The following TLK1 variants were observed in gnomAD, a reference collection of about 807,000 sequenced individuals.
TLK1 encodes tousled like kinase 1, also known as serine/threonine-protein kinase tousled-like 1.
TLK1 carries 24 observed loss-of-function variants against 105.3 expected under a neutral mutation model. The ratio of observed to expected loss-of-function variants is 0.23; its 90% CI spans 0.17 to 0.32. The LOEUF is 0.32. TLK1 is among the 10% of genes least tolerant of loss of function. TLK1 has a pLI of 1.00. For missense variants in TLK1, 558 were observed against 910.5 expected, an observed-to-expected ratio of 0.61 and a Z score of 4.98; for synonymous variants, 321 against 310.4, an observed-to-expected ratio of 1.03 and a Z score of -0.36.
intron 1 of TLK1, among the ~76,000 whole-genome samples, chr2:171,188,250 T>C (rs1276370452): frequency 1.3e-5 from 2 of 152,198 alleles, no homozygotes; most frequent in African/African-American, 2.4e-5. Flanking sequence ...TAAAATCTTA[T>C]TCTACAGGAT....
chr2:171,086,638 C>CAAAA (rs35913328), intron 2 of TLK1, among the ~76,000 whole-genome samples: 4 of 108,952 alleles, frequency 3.7e-5, no homozygotes, highest in African/African-American at 1.3e-4. Context: ...AAAAAACAAA[C>CAAAA]AAAAAAAAAA....
At chr2:171,083,562 T>C (rs1433747194) in intron 2 of TLK1, among the ~76,000 whole-genome samples, 2 of 152,180 alleles carry the variant, frequency 1.3e-5, no homozygotes, top group African/African-American at 4.8e-5. Flanking sequence ...CAGAAATGCT[T>C]AGACCAGGTG....
At chr2:171,132,668 T>A (rs775154226) in intron 1 of TLK1, among the ~76,000 whole-genome samples, 2 of 152,186 alleles carry the variant, frequency 1.3e-5, no homozygotes, top group Non-Finnish European at 2.9e-5. Context: ...TGCTATGGCT[T>A]CCGAGTTCAA....
Position 171,000,409 on chromosome 2 carries a change from T to C in TLK1, c.1905-2586A>G, listed in dbSNP as rs144576313. Among the ~76,000 whole-genome samples the C allele has an allele frequency of 4.9e-3, 724 of 148,158 alleles. 7 individuals carry two copies. Among genetic ancestry groups the C allele is most frequent in the African/African-American group, 0.017 (672 of 40,430 alleles). ...AAAAAAAAAAAAAAAAGTTAACTGC[T>C]AATAGCCCACTGTTGACTGGAAGTT... On this transcript the variant is annotated intron_variant, in intron 18 of 20. Transcript: ENST00000431350.
At chr2:171,156,749 C>G (rs556590501) in intron 1 of TLK1, among the ~76,000 whole-genome samples, 2 of 152,342 alleles carry the variant, frequency 1.3e-5, no homozygotes, top group East Asian at 3.9e-4. Flanking sequence ...ACTAAATCAT[C>G]TGAAGTCAAT....
intron 1 of TLK1, among the ~76,000 whole-genome samples, chr2:171,123,398 T>G (rs932641107): frequency 3.3e-5 from 5 of 152,150 alleles, no homozygotes; most frequent in Admixed American, 3.3e-4. Flanking sequence ...AAACAGGGTT[T>G]CACCATGTTG....
At chr2:171,091,436 A>T (rs918002185) in intron 2 of TLK1, among the ~76,000 whole-genome samples, 1 of 152,212 alleles carries the variant, frequency 6.6e-6, no homozygotes, top group Non-Finnish European at 1.5e-5. Context: ...TTCAGAACAC[A>T]GTAAACATTT....
chr2:171,059,976 G>A (rs1197030374), intron 4 of TLK1: 1 of 1,612,152 alleles, frequency 6.2e-7, no homozygotes, highest in East Asian at 2.2e-5. Flanking sequence ...AGACCGGGAG[G>A]TTGGGGAACC....
chr2:171,177,443 T>C (rs1692851165), intron 1 of TLK1, among the ~76,000 whole-genome samples: 1 of 152,020 alleles, frequency 6.6e-6, no homozygotes, highest in Non-Finnish European at 1.5e-5. Flanking sequence ...TCATTGGGCT[T>C]CTTAAAGCTG....
At chr2:171,182,935 A>AAAAAGAAAGAAAGAAAG (rs1553487148) in intron 1 of TLK1, among the ~76,000 whole-genome samples, 29 of 128,836 alleles carry the variant, frequency 2.3e-4, no homozygotes, top group African/African-American at 1.1e-3. Context: ...AAAAAAAAAA[A>AAAAAGAAAGAAAGAAAG]AAAGAAAGAA....
intron 3 of TLK1, chr2:171,067,088 G>T: frequency 2.9e-6 from 3 of 1,041,162 alleles, no homozygotes; most frequent in Admixed American, 3.3e-5. Flanking sequence ...GAATCCCTAG[G>T]TCTGTACAAT....
intron 12 of TLK1, 87 bp downstream of exon 12, chr2:171,028,252 G>T: frequency 1.1e-6 from 1 of 899,514 alleles, no homozygotes; most frequent in Non-Finnish European, 1.8e-6. Context: ...CTTAAATTTT[G>T]GCTTTTAAAA....
At chr2:171,026,335 C>T (rs1685772539) in intron 12 of TLK1, among the ~76,000 whole-genome samples, 1 of 152,020 alleles carries the variant, frequency 6.6e-6, no homozygotes, top group East Asian at 1.9e-4. Context: ...GTGTTTTTCA[C>T]AGAAACCAGT....
chr2:171,209,568 G>C (rs1052814129), intron 1 of TLK1, among the ~76,000 whole-genome samples: 9 of 152,136 alleles, frequency 5.9e-5, no homozygotes, highest in Non-Finnish European at 2.9e-5. Context: ...GCAGTAATGT[G>C]TCCTTTTGTA....
At position 171,143,239 on chromosome 2, in the gene TLK1, TCA is replaced by T. The variant is rs540148916; in HGVS notation, c.139+17049_139+17050del. Among the ~76,000 whole-genome samples the T allele has an allele frequency of 3.4e-3, 521 of 152,086 alleles. 6 individuals carry two copies. Among genetic ancestry groups the T allele is most frequent in the African/African-American group, 0.012 (487 of 41,528 alleles). ...AACTATAAAATGTATTTTCCTTATC[TCA>T]GTTTCATCAAAAGATACATTTGGGA... On this transcript the variant is annotated intron_variant, in intron 1 of 20. Transcript: ENST00000431350.
At chr2:171,033,476 T>C (rs1424108572) in intron 11 of TLK1, among the ~76,000 whole-genome samples, 2 of 151,410 alleles carry the variant, frequency 1.3e-5, no homozygotes, top group African/African-American at 2.4e-5. Flanking sequence ...TGCAAAAACA[T>C]AGAATGAATA....
chr2:171,073,397 T>A (rs1271191767), intron 3 of TLK1, among the ~76,000 whole-genome samples: 1 of 152,132 alleles, frequency 6.6e-6, no homozygotes, highest in African/African-American at 2.4e-5. Flanking sequence ...AGCTTACAGA[T>A]CCATTTCATG....
At chr2:171,172,697 A>T (rs1039399673) in intron 1 of TLK1, among the ~76,000 whole-genome samples, 3 of 152,114 alleles carry the variant, frequency 2.0e-5, no homozygotes, top group African/African-American at 7.2e-5. Flanking sequence ...TATTCTGGCC[A>T]TGTAAGATGT....
chr2:171,207,394 G>T (rs1693525566), intron 1 of TLK1, among the ~76,000 whole-genome samples: 1 of 152,190 alleles, frequency 6.6e-6, no homozygotes, highest in African/African-American at 2.4e-5. Context: ...AGGAAGGAGG[G>T]ATGATTAAGC....
Sources: gnomAD v4.1 joint callset for allele counts (sites outside exome capture counted in the v4.1 genomes callset) on GRCh38, gnomAD v4.1.1 for gene constraint, MANE v1.5 for transcripts, NCBI Gene and HGNC (gene_info 2026-07-23, HGNC 2026-07-21) for gene names.